RIF1: variants seen among roughly 807,000 people sequenced by gnomAD.
The protein encoded by RIF1 is telomere-associated protein RIF1.
Under a neutral mutation model 247.1 loss-of-function variants are expected in RIF1, and 45 were observed. That is an observed-to-expected ratio of 0.18 (90% CI 0.14 to 0.23). RIF1 has a LOEUF of 0.23. Ranked by LOEUF, RIF1 falls within the 10% of genes least tolerant of loss-of-function variation. RIF1 has a pLI of 1.00. For synonymous variants in RIF1, 1,087 were observed against 978.8 expected, an observed-to-expected ratio of 1.11 and a Z score of -2.06; for missense variants, 2,967 against 2,862.5, an observed-to-expected ratio of 1.04 and a Z score of -0.83.
At chr2:151,496,298 T>C in intron 10 of RIF1, 1 of 1,611,214 alleles carries the variant, frequency 6.2e-7, no homozygotes, top group South Asian at 1.1e-5. Flanking sequence ...TTCTTGATTG[T>C]GTTTGACTCG....
intron 7 of RIF1, among the ~76,000 whole-genome samples, chr2:151,421,717 C>G (rs1472924104): frequency 6.6e-6 from 1 of 152,094 alleles, no homozygotes; most frequent in African/African-American, 2.4e-5. Context: ...GCCCCTAAAA[C>G]CTGGGATTTT....
intron 9 of RIF1, chr2:151,490,601 A>T (rs2055648050): frequency 6.7e-7 from 1 of 1,488,484 alleles, no homozygotes; most frequent in Non-Finnish European, 9.2e-7. Context: ...AATCTCAGTT[A>T]TTGTTATCTT....
At chr2:151,487,110 T>C (rs182911246), downstream of RIF1, among the ~76,000 whole-genome samples, 8 of 152,300 alleles carry the variant, frequency 5.3e-5, no homozygotes, top group East Asian at 1.5e-3. Flanking sequence ...CTGCTAATTT[T>C]ATTTATGGCC....
chr2:151,493,446 C>T lies in RIF1; in HGVS notation c.*416-1783C>T, dbSNP rs1574741105. On this transcript the variant is annotated intron_variant and NMD_transcript_variant, in intron 9 of 13. Transcript: ENST00000454583. The stretch of plus-strand genomic sequence containing the variant: ...TTCTCATGTTCTCTTTGTACAATAC[C>T]TAGGGAAGCCAAAAGAGCATCTAGG... 1.3e-6 allele frequency: 2 copies of T among 1,569,264 alleles called. No individual in the cohort carries two copies. The highest frequency in any genetic ancestry group is 1.4e-5 in the African/African-American group (1 of 72,914).
Position 151,441,916 on chromosome 2 carries a change from A to G in RIF1, c.1659A>G (p.Glu553=). ...TTTATCTCTCATAGGTCCTCATGGA[A>G]ATTACAATTAAAGGACTTCCTCAGA... ...FPVSKTLVLM[E]ITIKGLPQKV... is the part of the protein sequence containing the mutation. Residue 553 remains glutamate, a synonymous_variant, in exon 16 of 36, where the codon GAA becomes GAG. Coordinates refer to ENST00000444746, the MANE Select transcript of RIF1 (RefSeq NM_018151.5). The G allele has an allele frequency of 6.5e-7, 1 of 1,540,756 alleles. No homozygotes were observed. The highest frequency in any genetic ancestry group is 8.9e-7 in the Non-Finnish European group (1 of 1,127,382).
intron 9 of RIF1, among the ~76,000 whole-genome samples, chr2:151,429,691 C>G (rs934563899): frequency 9.9e-5 from 15 of 152,186 alleles, no homozygotes; most frequent in African/African-American, 2.9e-4. Context: ...TTACTTCTTT[C>G]AGGATCTCTA....
chr2:151,428,876 T>A lies in RIF1; in HGVS notation c.879T>A (p.Ala293=). The A allele has an allele frequency of 6.5e-7, 1 of 1,529,132 alleles. No individual in the cohort carries two copies. Among genetic ancestry groups the A allele is most frequent in the South Asian group, 1.1e-5 (1 of 89,232 alleles). 94.7% of individuals were successfully genotyped at this position (1,529,132 alleles called of 1,614,324 possible). ...GAGCACCCATGATTAAAAAGATAGC[T>A]TTTATTGCTTGGAAGAGTTTAATAG... ...RSGAPMIKKI[A]FIAWKSLIDN... The change falls in exon 9 of 36, where the codon GCT becomes GCA. Residue 293 remains alanine, a synonymous_variant. Transcript: ENST00000444746.
At chr2:151,497,402 G>T in intron 10 of RIF1, 2 of 975,658 alleles carry the variant, frequency 2.0e-6, no homozygotes, top group Non-Finnish European at 2.4e-6. Flanking sequence ...TTAAAAAAAA[G>T]ATTGAAAATA....
the RIF1 span, chr2:151,530,809 A>C: frequency 1.9e-6 from 1 of 520,862 alleles, no homozygotes; most frequent in South Asian, 3.1e-5. Context: ...CAACATGGGG[A>C]GCAGGACTGT....
chr2:151,505,112 A>T, intron 12 of RIF1, among the ~76,000 whole-genome samples: 1 of 152,292 alleles, frequency 6.6e-6, no homozygotes, highest in East Asian at 1.9e-4. Flanking sequence ...TACTACTTAT[A>T]TGTTTATATG....
the RIF1 span, chr2:151,527,426 T>C: frequency 2.4e-6 from 3 of 1,226,892 alleles, no homozygotes; most frequent in Admixed American, 4.0e-5. Context: ...AATTATTCAT[T>C]GTATTTCTCA....
At chr2:151,436,748 T>C in intron 11 of RIF1, 79 bp from the exon 12 acceptor site, 1 of 1,031,100 alleles carries the variant, frequency 9.7e-7, no homozygotes. Context: ...AAAGTTTCAT[T>C]GAAATGAAAT....
chr2:151,517,365 G>A, the RIF1 span, among the ~76,000 whole-genome samples: 2 of 152,118 alleles, frequency 1.3e-5, no homozygotes, highest in African/African-American at 2.4e-5. Flanking sequence ...AAGGCCTGGG[G>A]GCACATACTG....
At chr2:151,497,343 C>CAGTT in intron 10 of RIF1, 20 of 982,098 alleles carry the variant, frequency 2.0e-5, no homozygotes, top group Non-Finnish European at 2.4e-5. Flanking sequence ...GGATTTGAGA[C>CAGTT]AGTTAGAACT....
chr2:151,438,007 A>G (rs987100273), intron 13 of RIF1, among the ~76,000 whole-genome samples: 4 of 152,166 alleles, frequency 2.6e-5, no homozygotes, highest in African/African-American at 9.7e-5. Context: ...AAAGAATCAC[A>G]ATGAATCACA....
In RIF1 at chr2:151,481,555, C is replaced by T. The variant is rs1476374763; in HGVS notation, c.*6484C>T. The T allele has an allele frequency of 2.0e-5, 3 of 152,222 alleles. No homozygotes were observed. The highest frequency in any genetic ancestry group is 2.1e-4 in the South Asian group (1 of 4,822). The allele number at this position is 152,222 out of a possible 1,614,324, so 9.4% of individuals were successfully genotyped here. A position where few individuals can be genotyped will look rare whatever the true frequency, so the allele number is the denominator to read the frequency against. On this transcript the variant is annotated 3_prime_UTR_variant, in exon 36 of 36. Coordinates refer to ENST00000444746, the MANE Select transcript of RIF1 (RefSeq NM_018151.5). ...TATTAACCCTCTAATATTGTTGTCCCGATCATTTGGTAAACGCTAAGAGAG... is the reference window on the plus strand; with the variant it reads ...TATTAACCCTCTAATATTGTTGTCCTGATCATTTGGTAAACGCTAAGAGAG...
At chr2:151,512,709 T>C, downstream of RIF1, 3 of 1,510,590 alleles carry the variant, frequency 2.0e-6, no homozygotes, top group Non-Finnish European at 2.8e-6. Flanking sequence ...GGTTTATGAG[T>C]GATGGCATGA....
the RIF1 span, chr2:151,519,736 C>T: frequency 3.7e-6 from 6 of 1,612,578 alleles, no homozygotes; most frequent in African/African-American, 5.3e-5. Context: ...GTGTCTTGCC[C>T]TTTTCTTTAT....
chr2:151,470,639 GA>G (rs1697644794), intron 34 of RIF1, among the ~76,000 whole-genome samples: 2 of 152,014 alleles, frequency 1.3e-5, no homozygotes, highest in Non-Finnish European at 2.9e-5. Context: ...CAGAAGTTTT[GA>G]ATAAATGAAA....
Sources: allele counts gnomAD v4.1 joint callset (sites outside exome capture counted in the v4.1 genomes callset), GRCh38; gene constraint gnomAD v4.1.1; transcripts MANE v1.5; gene names NCBI Gene and HGNC (gene_info 2026-07-23, HGNC 2026-07-21).